Variants in NLRC3 observed in about 807,000 individuals in gnomAD.
The protein encoded by NLRC3 is NLR family CARD domain-containing protein 3.
NLRC3 carries 87 observed loss-of-function variants against 91.6 expected under a neutral mutation model. That is an observed-to-expected ratio of 0.95 (90% confidence interval 0.80 to 1.14). The LOEUF is 1.14. NLRC3 is among the 50% of genes most tolerant of loss of function. The pLI is 0.00. For synonymous variants in NLRC3, 694 were observed against 625.3 expected, an observed-to-expected ratio of 1.11 and a Z score of -1.64; for missense variants, 1,577 against 1,418.6, an observed-to-expected ratio of 1.11 and a Z score of -1.79.
In NLRC3 at chr16:3,541,500, C is replaced by G. The variant is rs2038392576; in HGVS notation, c.*325G>C. 1 of 274,270 alleles carries G rather than the reference C, an allele frequency of 3.6e-6. No individual in the cohort carries two copies. The highest frequency in any genetic ancestry group is 2.2e-5 in the African/African-American group (1 of 45,644). 17.0% of individuals were successfully genotyped at this position (274,270 alleles called of 1,614,324 possible). On this transcript the variant is annotated 3_prime_UTR_variant, in exon 20 of 20. Coordinates refer to ENST00000359128, the MANE Select transcript of NLRC3 (RefSeq NM_178844.4). Reference sequence around the variant, plus strand: ...TAAACATTTTTAAAGGTTGGGGACACATGAAGTCCTCAGGGTGTAAAGCTG... The same window carrying G: ...TAAACATTTTTAAAGGTTGGGGACAGATGAAGTCCTCAGGGTGTAAAGCTG...
At position 3,563,543 on chromosome 16, in the gene NLRC3, G is replaced by A. The variant is rs1452666120; in HGVS notation, c.1394C>T (p.Ala465Val). The A allele has an allele frequency of 9.3e-6, 15 of 1,609,716 alleles. 1 individual carries two copies. Among genetic ancestry groups the A allele is most frequent in the African/African-American group, 1.3e-5 (1 of 74,860 alleles). Residue 465 changes from alanine to valine, a missense_variant, in exon 5 of 20, where the codon GCG becomes GTG. By Grantham distance (64) the Ala-to-Val change is moderately conservative. Transcript: ENST00000359128. Reference sequence around the variant, plus strand: ...CCTCCTGGATGCGCCATAGTAATACGCGGCTGCCACAAACTCCTGCAGGGA... The same window carrying A: ...CCTCCTGGATGCGCCATAGTAATACACGGCTGCCACAAACTCCTGCAGGGA... The part of the protein sequence containing the change: ...HLSLQEFVAA[A>V]YYYGASRRAI...
chr16:3,564,308 A>C lies in NLRC3; in HGVS notation c.629T>G (p.Val210Gly). 1 of 1,611,664 alleles carries C rather than the reference A, an allele frequency of 6.2e-7. No individual in the cohort carries two copies. Reference protein sequence around the residue: ...HVGEPSLAVAVPARALLILDG... With the variant: ...HVGEPSLAVAGPARALLILDG... ...CAGGATCAGGAGGGCCCTGGCTGGG[A>C]CTGCCACCGCCAGGCTGGGCTCCCC... The change falls in exon 5 of 20, where the codon GTC (valine) becomes GGC (glycine). Residue 210 changes from valine to glycine, a missense_variant. By Grantham distance (109) the Val-to-Gly change is moderately radical. Transcript: ENST00000359128. This position sits in a 1 kb window ranked among gnomAD's most constrained non-coding sequence, Gnocchi z 5.9.
At chr16:3,569,206 G>A (rs1406025543) in intron 1 of NLRC3, among the ~76,000 whole-genome samples, 1 of 150,998 alleles carries the variant, frequency 6.6e-6, no homozygotes, top group African/African-American at 2.4e-5. Context: ...CCCAGCTATT[G>A]GGGACACTGA....
chr16:3,550,509 G>T lies in NLRC3; in HGVS notation c.2352-12C>A, dbSNP rs775943391. On this transcript the variant is annotated splice_polypyrimidine_tract_variant and intron_variant, in intron 10 of 19. Transcript: ENST00000359128. ...TATTACTGGAGAACCTGCAAGAGAA[G>T]GGATATGGATGAGCCAGCCTCTGGG... 1.9e-5 allele frequency: 31 copies of T among 1,599,218 alleles called. No homozygotes were observed. The highest frequency in any genetic ancestry group is 2.7e-5 in the Non-Finnish European group (31 of 1,166,476).
chr16:3,571,824 C>T (rs1215642090), intron 1 of NLRC3, among the ~76,000 whole-genome samples: 1 of 151,418 alleles, frequency 6.6e-6, no homozygotes, highest in Non-Finnish European at 1.5e-5. Flanking sequence ...CCTGTAGTCC[C>T]GGCTACTCGG....
At chr16:3,556,317 TCAAAAAAAAAAAAAAAAAA>T in intron 8 of NLRC3, among the ~76,000 whole-genome samples, 1 of 8,882 alleles carries the variant, frequency 1.1e-4, no homozygotes, top group African/African-American at 3.2e-4. Flanking sequence ...AGAATCCGTC[TCAAAAAAAAAAAAAAAAAA>T]AAAAAAAAAA....
chr16:3,542,923 G>T (rs1181220537), intron 17 of NLRC3, 148 bp from the exon 18 acceptor site: 5 of 608,444 alleles, frequency 8.2e-6, no homozygotes, highest in Non-Finnish European at 1.2e-5. Context: ...CTCACTCCAG[G>T]GCAACAGGGC....
chr16:3,557,807 A>G, intron 6 of NLRC3, 131 bp from the exon 7 acceptor site: 1 of 635,348 alleles, frequency 1.6e-6, no homozygotes, highest in Non-Finnish European at 2.8e-6. Flanking sequence ...GGTGGAGATG[A>G]GGTGACCCCT....
intron 1 of NLRC3, among the ~76,000 whole-genome samples, chr16:3,572,393 T>C (rs1369170702): frequency 1.3e-5 from 2 of 152,196 alleles, no homozygotes; most frequent in Non-Finnish European, 2.9e-5. Flanking sequence ...TCAACTTCCC[T>C]GGGCTCAAGT....
Position 3,549,648 on chromosome 16 carries a change from GTGCCT to G in NLRC3, c.2519+44_2519+48del, listed in dbSNP as rs1167475966. On this transcript the variant is annotated intron_variant, in intron 12 of 19. Transcript: ENST00000359128. The stretch of plus-strand genomic sequence containing the variant: ...CCCAGTGCCAAGTCCCTGCAGACAG[GTGCCT>G]CGTCAAAGAAACGCCCTGTTTGGAG... 7 of 1,351,114 alleles carry G rather than the reference GTGCCT, an allele frequency of 5.2e-6. No individual in the cohort carries two copies. In the Admixed American group the frequency reaches 1.4e-4, roughly 27 times the overall value. The allele number at this position is 1,351,114 out of a possible 1,614,324, so 83.7% of individuals were successfully genotyped here.
At chr16:3,552,737 C>T (rs115180581) in intron 9 of NLRC3, among the ~76,000 whole-genome samples, 2,040 of 152,002 alleles carry the variant, frequency 0.013, 55 homozygotes, top group African/African-American at 0.047. Context: ...GTTAACAGAT[C>T]GAGACTATCC....
At chr16:3,561,882 C>A in intron 5 of NLRC3, 94 bp from the exon 6 acceptor site, 1 of 834,152 alleles carries the variant, frequency 1.2e-6, no homozygotes, top group South Asian at 1.4e-5. Flanking sequence ...CCATCCCATG[C>A]AGCGCTATCA....
At chr16:3,549,034 C>T in intron 13 of NLRC3, 108 bp downstream of exon 13, 1 of 880,480 alleles carries the variant, frequency 1.1e-6, no homozygotes, top group South Asian at 1.5e-5. Context: ...CCCCAGCCAG[C>T]TCCTTCTCCA....
At chr16:3,574,799 G>A (rs543722922) in intron 1 of NLRC3, among the ~76,000 whole-genome samples, 22 of 152,060 alleles carry the variant, frequency 1.4e-4, no homozygotes, top group Non-Finnish European at 2.6e-4. Flanking sequence ...CCATCTCTAC[G>A]AAAAATACAA....
chr16:3,542,380 G>C (rs987687500), intron 18 of NLRC3, 106 bp from the exon 19 acceptor site: 2 of 743,242 alleles, frequency 2.7e-6, no homozygotes, highest in African/African-American at 3.5e-5. Flanking sequence ...AGGCAGATGT[G>C]TCCACAGGTG....
In NLRC3 at chr16:3,548,176, C is replaced by T; in HGVS notation, c.2730G>A (p.Leu910=). The change falls in exon 15 of 20, where the codon CTG becomes CTA. Residue 910 remains leucine (L), a synonymous_variant. Coordinates refer to ENST00000359128, the MANE Select transcript of NLRC3 (RefSeq NM_178844.4). The part of the protein sequence containing the change: ...NFIQAGAAQA[L]GQALQLNRSL... ...TCCTGTTGAGCTGTAGTGCTTGTCC[C>T]AGGGCCTGGGCAGCGCCGGCCTGGA... 2.5e-6 allele frequency: 4 copies of T among 1,596,622 alleles called. No individual in the cohort carries two copies. In the South Asian group the frequency reaches 4.6e-5, roughly 18 times the overall value.
In NLRC3 at chr16:3,541,115, G is replaced by C. The variant is rs964814594; in HGVS notation, c.*710C>G. On this transcript the variant is annotated 3_prime_UTR_variant, in exon 20 of 20. Transcript: ENST00000359128. ...AGCTACTGGGGAGGCTGAGGCAGGA[G>C]AATCACATGAACCCGGGAGGCGGAG... 1.3e-5 allele frequency: 2 copies of C among 152,160 alleles called. No homozygotes were observed. Among genetic ancestry groups the C allele is most frequent in the African/African-American group, 4.8e-5 (2 of 41,412 alleles). 9.4% of individuals were successfully genotyped at this position (152,160 alleles called of 1,614,324 possible). A position where few individuals can be genotyped will look rare whatever the true frequency, so the allele number is the denominator to read the frequency against.
chr16:3,571,244 T>G (rs2040086006), intron 1 of NLRC3, among the ~76,000 whole-genome samples: 1 of 152,148 alleles, frequency 6.6e-6, no homozygotes. Flanking sequence ...GAGTTAAAAG[T>G]TGTAAACACA....
chr16:3,548,172 G>A lies in NLRC3; in HGVS notation c.2734C>T (p.Gln912Ter), dbSNP rs776521689. ...AGGCTCCTGTTGAGCTGTAGTGCTT[G>A]TCCCAGGGCCTGGGCAGCGCCGGCC... ...IQAGAAQALGQALQLNRSLTS... is the reference protein window; with the variant it reads ...IQAGAAQALG Residue 912 changes from glutamine (Q) to a stop codon, truncating the protein, a stop_gained, in exon 15 of 20, where the codon CAA (glutamine) becomes TAA (stop). Coordinates refer to ENST00000359128, the MANE Select transcript of NLRC3 (RefSeq NM_178844.4). LOFTEE classifies it high-confidence loss of function. 18 of 1,595,792 alleles carry A rather than the reference G, an allele frequency of 1.1e-5. No individual in the cohort carries two copies. Among genetic ancestry groups the A allele is most frequent in the Admixed American group, 1.7e-5 (1 of 57,410 alleles).
Sources: allele counts gnomAD v4.1 joint callset (sites outside exome capture counted in the v4.1 genomes callset), GRCh38; gene constraint gnomAD v4.1.1; non-coding constraint Gnocchi (gnomAD v3.1); transcripts MANE v1.5; gene names NCBI Gene and HGNC (gene_info 2026-07-23, HGNC 2026-07-21).